Variants in SEMA3A observed in about 807,000 individuals in gnomAD.
SEMA3A encodes the protein semaphorin-3A.
Under a neutral mutation model 97.9 loss-of-function variants are expected in SEMA3A, and 29 were observed. The ratio of observed to expected loss-of-function variants is 0.30; its 90% CI spans 0.22 to 0.40. The LOEUF is 0.40. Ranked by LOEUF, SEMA3A falls within the 10% of genes least tolerant of loss-of-function variation. SEMA3A has a pLI of 1.00. For missense variants in SEMA3A, 763 were observed against 951.3 expected (o/e 0.80, Z 2.60); for synonymous variants, 321 against 323.7 (o/e 0.99, Z 0.09).
At chr7:84,466,221 T>G (rs981454268) in intron 1 of SEMA3A, among the ~76,000 whole-genome samples, 1 of 152,286 alleles carries the variant, frequency 6.6e-6, no homozygotes, top group African/African-American at 2.4e-5. Context: ...TCACCCAGGC[T>G]GGAGTGCAGC....
chr7:84,310,617 A>T (rs1457053006), intron 2 of SEMA3A, among the ~76,000 whole-genome samples: 10 of 152,084 alleles, frequency 6.6e-5, no homozygotes, highest in African/African-American at 2.2e-4. Flanking sequence ...GACAAATCTG[A>T]TGTCTGCTAG....
intron 1 of SEMA3A, among the ~76,000 whole-genome samples, chr7:84,404,866 G>C (rs551578596): frequency 3.9e-5 from 6 of 152,162 alleles, no homozygotes; most frequent in East Asian, 1.9e-4. Flanking sequence ...TCACCACCAG[G>C]CCTGCCCTAA....
At chr7:84,293,541 A>G (rs571937401) in intron 3 of SEMA3A, among the ~76,000 whole-genome samples, 145 of 152,158 alleles carry the variant, frequency 9.5e-4, no homozygotes, top group Non-Finnish European at 1.8e-3. Context: ...ACAATTACAT[A>G]TTTTGTTAAA....
Position 84,406,001 on chromosome 7 carries a change from A to G in SEMA3A, c.-245-34101T>C, listed in dbSNP as rs916771635. Reference sequence around the variant, plus strand: ...ACAATTAAAAGAACTAGAGAAGCAAAAGGAAACACATTCAAAAGCTAGCAG... The same window carrying G: ...ACAATTAAAAGAACTAGAGAAGCAAGAGGAAACACATTCAAAAGCTAGCAG... On this transcript the variant is annotated intron_variant, in intron 1 of 3. Transcript: ENST00000424555. Among the ~76,000 whole-genome samples, 601 of 152,152 alleles carry G rather than the reference A, an allele frequency of 4.0e-3. 1 individual carries two copies. Among genetic ancestry groups the G allele is most frequent in the African/African-American group, 0.013 (545 of 41,506 alleles).
intron 14 of SEMA3A, among the ~76,000 whole-genome samples, chr7:83,979,156 C>CA (rs1395069822): frequency 7.2e-6 from 1 of 138,788 alleles, no homozygotes; most frequent in Admixed American, 7.5e-5. Context: ...TTTTTCGAGA[C>CA]AGAGTCTTGC....
intron 3 of SEMA3A, among the ~76,000 whole-genome samples, chr7:84,306,933 A>G (rs1801172723): frequency 6.6e-6 from 1 of 152,086 alleles, no homozygotes; most frequent in Non-Finnish European, 1.5e-5. Flanking sequence ...TGAAATTCCC[A>G]AGTCTGGAGA....
chr7:84,230,702 C>A (rs1204770056), intron 3 of SEMA3A, among the ~76,000 whole-genome samples: 1 of 151,890 alleles, frequency 6.6e-6, no homozygotes, highest in Non-Finnish European at 1.5e-5. Flanking sequence ...GATGTCTCAA[C>A]TTCTCTTGAT....
At chr7:84,283,867 A>T (rs1022614710) in intron 3 of SEMA3A, among the ~76,000 whole-genome samples, 1 of 152,120 alleles carries the variant, frequency 6.6e-6, no homozygotes, top group Non-Finnish European at 1.5e-5. Flanking sequence ...CATTGTGTAA[A>T]CATACCTTGC....
At position 84,007,365 on chromosome 7, in the gene SEMA3A, T is replaced by C. The variant is rs200101033; in HGVS notation, c.1128A>G (p.Pro376=). 2.6e-5 allele frequency: 41 copies of C among 1,603,434 alleles called. No homozygotes were observed. The highest frequency in any genetic ancestry group is 3.1e-5 in the Non-Finnish European group (36 of 1,175,288). Residue 376 remains proline (P), a synonymous_variant, in exon 10 of 17, where the codon CCA becomes CCG. Coordinates refer to ENST00000265362, the MANE Select transcript of SEMA3A (RefSeq NM_006080.3). ...WVPYQGRVPY[P]RPGTCPSKTF... Reference sequence around the variant, plus strand: ...CTAAGCTACTTACAGTTCCTGGCCGTGGATAGGGGACTCTTCCTTGATAAG... The same window carrying C: ...CTAAGCTACTTACAGTTCCTGGCCGCGGATAGGGGACTCTTCCTTGATAAG...
At chr7:84,289,035 T>TC (rs1397817986) in intron 3 of SEMA3A, among the ~76,000 whole-genome samples, 2 of 151,884 alleles carry the variant, frequency 1.3e-5, no homozygotes, top group East Asian at 3.9e-4. Context: ...TATTCAGCTG[T>TC]TAAAAAAAAA....
chr7:84,122,433 T>A (rs1190984212), intron 3 of SEMA3A, among the ~76,000 whole-genome samples: 1 of 152,030 alleles, frequency 6.6e-6, no homozygotes, highest in Non-Finnish European at 1.5e-5. Context: ...GATCTTTTTT[T>A]AAAAAAGCAT....
chr7:84,194,980 C>A (rs571401631), upstream of SEMA3A: 86 of 152,886 alleles, frequency 5.6e-4, no homozygotes, highest in Non-Finnish European at 6.2e-4. Flanking sequence ...CATTCGGCTC[C>A]GGGGAAGCAG....
chr7:84,278,384 C>T (rs1800362969), intron 3 of SEMA3A, among the ~76,000 whole-genome samples: 1 of 152,094 alleles, frequency 6.6e-6, no homozygotes, highest in African/African-American at 2.4e-5. Context: ...CTTCTGAACC[C>T]TCTACCCTCT....
At chr7:84,312,573 CATT>C (rs1164809195) in intron 2 of SEMA3A, among the ~76,000 whole-genome samples, 1 of 151,142 alleles carries the variant, frequency 6.6e-6, no homozygotes, top group Non-Finnish European at 1.5e-5. Context: ...AATATATACA[CATT>C]ATTTACATGT....
intron 1 of SEMA3A, among the ~76,000 whole-genome samples, chr7:84,431,901 C>G (rs1290348177): frequency 2.6e-5 from 4 of 151,748 alleles, no homozygotes; most frequent in Non-Finnish European, 4.4e-5. Context: ...ACAGAACTAC[C>G]CACACTGAAC....
intron 3 of SEMA3A, among the ~76,000 whole-genome samples, chr7:84,302,060 T>C (rs1044366487): frequency 2.0e-5 from 3 of 152,252 alleles, no homozygotes; most frequent in East Asian, 3.9e-4. Flanking sequence ...CCAAATGTAG[T>C]ATATCCATAT....
At chr7:84,211,483 T>C (rs1371928500) in intron 3 of SEMA3A, among the ~76,000 whole-genome samples, 2 of 151,402 alleles carry the variant, frequency 1.3e-5, no homozygotes, top group African/African-American at 4.9e-5. Context: ...TAGTCGGGCA[T>C]GCTGGTGCAT....
chr7:84,406,536 C>T (rs1399582272), intron 1 of SEMA3A, among the ~76,000 whole-genome samples: 1 of 152,118 alleles, frequency 6.6e-6, no homozygotes, highest in Non-Finnish European at 1.5e-5. Context: ...GGAATCCTCC[C>T]TAACTCATTT....
intron 6 of SEMA3A, among the ~76,000 whole-genome samples, chr7:84,041,399 A>G (rs780613486): frequency 1.1e-4 from 16 of 152,094 alleles, no homozygotes; most frequent in Non-Finnish European, 2.2e-4. Context: ...AAAAAGATAC[A>G]TTTATAATGG....
Sources: allele counts gnomAD v4.1 joint callset (sites outside exome capture counted in the v4.1 genomes callset), GRCh38; gene constraint gnomAD v4.1.1; transcripts MANE v1.5; gene names NCBI Gene and HGNC (gene_info 2026-07-23, HGNC 2026-07-21).